The following POMT2 variants were observed in gnomAD, a reference collection of about 807,000 sequenced individuals.
POMT2 encodes the protein protein O-mannosyl-transferase 2.
POMT2 carries 75 observed loss-of-function variants against 100.0 expected under a neutral mutation model. The observed-to-expected ratio is 0.75, with a 90% CI of 0.62 to 0.91. POMT2 has a LOEUF of 0.91. Ranked by LOEUF, POMT2 falls within the 40% of genes least tolerant of loss-of-function variation. The probability of loss-of-function intolerance (pLI) is 0.00; values close to 1 mark genes in which losing one functional copy is unlikely to be tolerated. For missense variants in POMT2, 940 were observed against 955.1 expected, an observed-to-expected ratio of 0.98 and a Z score of 0.21; for synonymous variants, 378 against 374.1, an observed-to-expected ratio of 1.01 and a Z score of -0.12.
chr14:77,280,449 G>C lies in POMT2; in HGVS notation c.1668C>G (p.Leu556=). ...ACGTGAACTCATTGTCCTTGGGTTTGAGGCCACTGTTCCCCTGCATGAAGG... is the reference window on the plus strand; with the variant it reads ...ACGTGAACTCATTGTCCTTGGGTTTCAGGCCACTGTTCCCCTGCATGAAGG... ...HMVMIRGNSG[L]KPKDNEFTSK... The change falls in exon 16 of 21, where the codon CTC becomes CTG. Residue 556 remains leucine (L), a synonymous_variant. Coordinates refer to ENST00000261534, the MANE Select transcript of POMT2 (RefSeq NM_013382.7). 1 of 1,614,220 alleles carries C rather than the reference G, an allele frequency of 6.2e-7. No homozygotes were observed. The highest frequency in any genetic ancestry group is 8.5e-7 in the Non-Finnish European group (1 of 1,180,044).
At chr14:77,307,825 T>C (rs1489462908) in intron 2 of POMT2, among the ~76,000 whole-genome samples, 1 of 151,814 alleles carries the variant, frequency 6.6e-6, no homozygotes, top group Non-Finnish European at 1.5e-5. Flanking sequence ...CTCAGTTCCC[T>C]TAAGGTTAAA....
intron 9 of POMT2, among the ~76,000 whole-genome samples, chr14:77,295,720 C>T (rs1890805205): frequency 6.6e-6 from 1 of 151,782 alleles, no homozygotes; most frequent in Non-Finnish European, 1.5e-5. Flanking sequence ...GCAGGCTTCA[C>T]ACCCCGATCA....
chr14:77,283,034 A>G (rs576853905), intron 15 of POMT2, among the ~76,000 whole-genome samples: 2 of 152,374 alleles, frequency 1.3e-5, no homozygotes, highest in East Asian at 1.9e-4. Flanking sequence ...TTCTCAATTT[A>G]AAGATTTCTT....
intron 1 of POMT2, chr14:77,312,332 C>T (rs1891467505): frequency 1.3e-5 from 4 of 309,336 alleles, no homozygotes; most frequent in African/African-American, 4.5e-5. Context: ...TTTAAAAGGA[C>T]AAGATGTTTT....
chr14:77,318,177 T>G (rs1891696981), intron 1 of POMT2, among the ~76,000 whole-genome samples: 1 of 152,118 alleles, frequency 6.6e-6, no homozygotes, highest in Admixed American at 6.5e-5. Context: ...GGAAACAATG[T>G]TCTCTTTGTC....
At chr14:77,319,527 C>A (rs1891761097) in intron 1 of POMT2, 1 of 152,220 alleles carries the variant, frequency 6.6e-6, no homozygotes, top group South Asian at 2.1e-4. Context: ...GTTGTGTTTG[C>A]AGCAAGCAAC....
At chr14:77,299,972 C>G (rs184585451) in intron 6 of POMT2, 102 of 289,602 alleles carry the variant, frequency 3.5e-4, no homozygotes, top group African/African-American at 2.0e-3. Context: ...TTCGCGGCTT[C>G]CTTCCAGAGG....
intron 18 of POMT2, chr14:77,279,119 C>G (rs1220616212): frequency 1.7e-6 from 1 of 582,886 alleles, no homozygotes; most frequent in Non-Finnish European, 3.1e-6. Context: ...GCAGCCCAGC[C>G]TCTAAAGAAA....
intron 2 of POMT2, among the ~76,000 whole-genome samples, chr14:77,310,032 C>T (rs777635486): frequency 2.6e-5 from 4 of 152,180 alleles, no homozygotes; most frequent in Non-Finnish European, 2.9e-5. Flanking sequence ...GTCCACAGTG[C>T]GCTGAGAACC....
intron 3 of POMT2, among the ~76,000 whole-genome samples, chr14:77,305,724 T>C (rs559625352): frequency 2.0e-5 from 3 of 152,248 alleles, no homozygotes; most frequent in Non-Finnish European, 4.4e-5. Context: ...ACGTTCAAGG[T>C]TCCCAAAGAG....
At chr14:77,300,744 C>T (rs571989436) in intron 6 of POMT2, 3 of 308,772 alleles carry the variant, frequency 9.7e-6, no homozygotes, top group Non-Finnish European at 1.9e-5. Context: ...CACTCGTACC[C>T]AGGAGGCGGA....
At chr14:77,293,260 G>A (rs1890705456) in intron 9 of POMT2, among the ~76,000 whole-genome samples, 1 of 152,182 alleles carries the variant, frequency 6.6e-6, no homozygotes, top group African/African-American at 2.4e-5. Flanking sequence ...ACTCTGTGTA[G>A]ATGTGTGGTA....
rs146792467 is a variant in POMT2 at position 77,304,845 on chromosome 14, G to A, written c.439-45C>T. On this transcript the variant is annotated intron_variant, in intron 3 of 20. Transcript: ENST00000261534. ...GCTGTCAAATAACAAGCTGAGCTAG[G>A]TCAGCGACCTACTGGACTCAGTACA... 6,779 of 1,552,670 alleles carry A rather than the reference G, an allele frequency of 4.4e-3. 25 individuals carry two copies. Among genetic ancestry groups the A allele is most frequent in the Middle Eastern group, 9.9e-3 (54 of 5,468 alleles).
intron 17 of POMT2, 39 bp downstream of exon 17, chr14:77,279,982 G>A: frequency 6.2e-7 from 1 of 1,614,176 alleles, no homozygotes; most frequent in Non-Finnish European, 8.5e-7. Flanking sequence ...CCACGGGCAA[G>A]TGCTCCAGGG....
rs749380107 is a variant in POMT2 at position 77,302,927 on chromosome 14, A to C, written c.564T>G (p.Thr188=). The C allele has an allele frequency of 6.2e-7, 1 of 1,613,110 alleles. No homozygotes were observed. The highest frequency in any genetic ancestry group is 1.1e-5 in the South Asian group (1 of 90,964). ...GGTCAAGGAGGATGTACTGGGACAG[A>C]GTGAGGCATCCCGTGTCTGAAAAAC... is the stretch of plus-strand genomic sequence containing the variant. ...ALLTFDTGCL[T]LSQYILLDPI... is the part of the protein sequence containing the mutation. The change falls in exon 5 of 21, where the codon ACT becomes ACG. Residue 188 remains threonine, a synonymous_variant. Transcript: ENST00000261534.
At chr14:77,302,581 G>T (rs992158329) in intron 5 of POMT2, among the ~76,000 whole-genome samples, 1 of 151,998 alleles carries the variant, frequency 6.6e-6, no homozygotes, top group Non-Finnish European at 1.5e-5. Context: ...ATAATAATAC[G>T]CTTGAAAAAG....
intron 9 of POMT2, among the ~76,000 whole-genome samples, chr14:77,294,768 C>G (rs1890764236): frequency 1.3e-5 from 2 of 152,224 alleles, no homozygotes; most frequent in South Asian, 4.1e-4. Flanking sequence ...AAATCTCTTT[C>G]TTTTGTAAAT....
At chr14:77,299,334 A>T (rs189696347) in intron 7 of POMT2, 121 bp downstream of exon 7, 17 of 867,524 alleles carry the variant, frequency 2.0e-5, no homozygotes, top group African/African-American at 1.3e-4. Flanking sequence ...AACAGGAAAA[A>T]GCCCCTGGGG....
chr14:77,304,246 A>G (rs993700844), intron 4 of POMT2, among the ~76,000 whole-genome samples: 15 of 152,252 alleles, frequency 9.9e-5, no homozygotes, highest in African/African-American at 3.6e-4. Context: ...ATTATTATCC[A>G]AGTTCCCATT....
Sources: allele counts gnomAD v4.1 joint callset (sites outside exome capture counted in the v4.1 genomes callset), GRCh38; gene constraint gnomAD v4.1.1; transcripts MANE v1.5; gene names NCBI Gene and HGNC (gene_info 2026-07-23, HGNC 2026-07-21).